The following TTC34 variants were observed in gnomAD, a reference collection of about 807,000 sequenced individuals.
TTC34 encodes tetratricopeptide repeat domain 34.
Under a neutral mutation model 40.7 loss-of-function variants are expected in TTC34, and 44 were observed. The observed-to-expected ratio is 1.08, with a 90% CI of 0.85 to 1.39. TTC34 has a LOEUF of 1.39. TTC34 is among the 40% of genes most tolerant of loss of function. The probability of loss-of-function intolerance (pLI) is 0.00; values close to 1 mark genes in which losing one functional copy is unlikely to be tolerated. For missense variants in TTC34, 884 were observed against 838.0 expected (o/e 1.05, Z -0.68); for synonymous variants, 422 against 398.6 (o/e 1.06, Z -0.70).
intron 4 of TTC34, among the ~76,000 whole-genome samples, chr1:2,787,166 G>A (rs1047713973): frequency 1.3e-5 from 2 of 152,312 alleles, no homozygotes; most frequent in Admixed American, 6.5e-5. Flanking sequence ...GCCTGCAGTC[G>A]GTTCCTGGCC....
chr1:2,641,339 G>A (rs1255577621), exon 9 of TTC34: 1 of 1,463,336 alleles, frequency 6.8e-7, no homozygotes, highest in Non-Finnish European at 9.0e-7. Context: ...GTGGCCCCGT[G>A]ATTAGGGCTG....
intron 2 of TTC34, 28 bp from the exon 3 acceptor site, chr1:2,790,374 C>T (rs1643650256): frequency 2.5e-6 from 1 of 398,516 alleles, no homozygotes; most frequent in Non-Finnish European, 4.4e-6. Flanking sequence ...GGCGTGGGTT[C>T]TGCCTGGGGG....
At chr1:2,694,066 A>C (rs1486209149) in intron 6 of TTC34, among the ~76,000 whole-genome samples, 1 of 144,614 alleles carries the variant, frequency 6.9e-6, no homozygotes, top group Non-Finnish European at 1.5e-5. Flanking sequence ...CAGCACCCAC[A>C]CACCCAGGTG....
At chr1:2,800,053 C>T (rs367795933) in exon 2 of TTC34, 17 of 398,420 alleles carry the variant, frequency 4.3e-5, no homozygotes, top group East Asian at 3.6e-4. Context: ...CCTTGGGGTT[C>T]GCTGCCGGTG....
chr1:2,695,016 T>G (rs949727934), intron 6 of TTC34, among the ~76,000 whole-genome samples: 2,456 of 122,198 alleles, frequency 0.02, no homozygotes, highest in East Asian at 0.024. Context: ...TCTGACAGCC[T>G]GGAACAGCAC....
intron 6 of TTC34, among the ~76,000 whole-genome samples, chr1:2,778,737 T>G (rs1643411859): frequency 1.3e-5 from 2 of 151,062 alleles, no homozygotes; most frequent in Non-Finnish European, 2.9e-5. Flanking sequence ...TTTGTTTTTA[T>G]TGTGGTTAAA....
intron 6 of TTC34, among the ~76,000 whole-genome samples, chr1:2,748,928 G>A (rs1404698785): frequency 3.7e-4 from 1 of 2,698 alleles, no homozygotes; most frequent in South Asian, 0.014. Flanking sequence ...CACCGCCAGG[G>A]GAGTATCTGA....
At chr1:2,692,707 C>CT (rs1640682596) in intron 6 of TTC34, among the ~76,000 whole-genome samples, 1 of 120,792 alleles carries the variant, frequency 8.3e-6, no homozygotes, top group Non-Finnish European at 1.7e-5. Context: ...CACCCACACC[C>CT]CAGGTGAGCA....
exon 2 of TTC34, chr1:2,800,821 ACAT>A: frequency 2.5e-6 from 1 of 398,518 alleles, no homozygotes; most frequent in Admixed American, 4.4e-5. Context: ...TCCTGGGCTG[ACAT>A]CATGTCTGGG....
chr1:2,756,285 C>T (rs1221459644), intron 6 of TTC34, among the ~76,000 whole-genome samples: 7 of 55,384 alleles, frequency 1.3e-4, no homozygotes, highest in African/African-American at 3.6e-4. Flanking sequence ...GAGCATCCGA[C>T]ATCCTGAAAC....
chr1:2,645,586 G>C lies in TTC34; in HGVS notation c.2227-23C>G. ...TTCCTGCAAGGAGGGAGGGCGGGCG[G>C]GTGCAGAGTTGTCCTAAGTAGAGAA... On this transcript the variant is annotated intron_variant, in intron 6 of 8. Transcript: ENST00000401095. This position sits in a 1 kb window ranked among gnomAD's most constrained non-coding sequence, Gnocchi z 4.7. 1 of 354,782 alleles carries C rather than the reference G, an allele frequency of 2.8e-6. No individual in the cohort carries two copies. The highest frequency in any genetic ancestry group is 5.6e-6 in the Non-Finnish European group (1 of 179,620). 22.0% of individuals were successfully genotyped at this position (354,782 alleles called of 1,614,324 possible). A position where few individuals can be genotyped will look rare whatever the true frequency, so the allele number is the denominator to read the frequency against.
At chr1:2,677,725 C>A (rs1037919218) in intron 6 of TTC34, among the ~76,000 whole-genome samples, 44 of 145,486 alleles carry the variant, frequency 3.0e-4, no homozygotes, top group East Asian at 4.2e-4. Context: ...GGAACAGCAC[C>A]CTGCACCCCC....
At position 2,750,305 on chromosome 1, in the gene TTC34, A is replaced by G. The variant is rs1428869143; in HGVS notation, c.2226+33304T>C. The stretch of plus-strand genomic sequence containing the variant: ...AGACCCCCAGGTGAGCATCTGACAG[A>G]CTGGAACTGCACCCCCATGCCCAGG... On this transcript the variant is annotated intron_variant, in intron 6 of 8. Coordinates refer to ENST00000401095, the Ensembl canonical transcript of TTC34. Among the ~76,000 whole-genome samples the G allele has an allele frequency of 8.1e-5, 5 of 61,472 alleles. 2 individuals are homozygous for G. The highest frequency in any genetic ancestry group is 1.2e-3 in the South Asian group (2 of 1,702). The allele number at this position is 61,472 out of a possible 152,430, so 40.3% of individuals were successfully genotyped here. A position where few individuals can be genotyped will look rare whatever the true frequency, so the allele number is the denominator to read the frequency against.
intron 6 of TTC34, among the ~76,000 whole-genome samples, chr1:2,753,050 C>G (rs1641377356): frequency 6.6e-6 from 1 of 151,234 alleles, no homozygotes; most frequent in Non-Finnish European, 1.5e-5. Context: ...GAGCAGCACC[C>G]ACACCCCCAG....
In TTC34 at chr1:2,645,259, A is replaced by G; in HGVS notation, c.2497+34T>C. The stretch of plus-strand genomic sequence containing the variant: ...CAGAGGAGCGGGGACAGAAGCCCAG[A>G]CCCCGTGTTTCCCACCTTGGGGCCG... On this transcript the variant is annotated intron_variant, in intron 7 of 8. Transcript: ENST00000401095. This position sits in a 1 kb window ranked among gnomAD's most constrained non-coding sequence, Gnocchi z 4.7. 6.9e-7 allele frequency: 1 copy of G among 1,439,196 alleles called. No homozygotes were observed. Among genetic ancestry groups the G allele is most frequent in the Non-Finnish European group, 9.1e-7 (1 of 1,098,380 alleles). 89.2% of individuals were successfully genotyped at this position (1,439,196 alleles called of 1,614,324 possible).
At chr1:2,798,736 C>T (rs1245856124) in intron 2 of TTC34, among the ~76,000 whole-genome samples, 2 of 121,034 alleles carry the variant, frequency 1.7e-5, no homozygotes, top group Middle Eastern at 6.1e-3. Flanking sequence ...CCCCTCAGCC[C>T]CCCAGCCTCC....
chr1:2,651,290 G>A (rs1342937495), intron 6 of TTC34, among the ~76,000 whole-genome samples: 5 of 151,994 alleles, frequency 3.3e-5, no homozygotes, highest in South Asian at 2.1e-4. Flanking sequence ...GTGAGGATCT[G>A]ACAACCTGGA....
At chr1:2,694,525 C>T (rs1216693082) in intron 6 of TTC34, among the ~76,000 whole-genome samples, 2 of 82,598 alleles carry the variant, frequency 2.4e-5, no homozygotes, top group African/African-American at 5.6e-5. Flanking sequence ...GGTGAACATC[C>T]GACATCGTGG....
intron 6 of TTC34, among the ~76,000 whole-genome samples, chr1:2,759,419 C>T (rs1192323935): frequency 9.3e-6 from 1 of 107,118 alleles, no homozygotes; most frequent in Non-Finnish European, 1.9e-5. Flanking sequence ...CATGTGACAG[C>T]CTGGATCAGC....
Sources: gnomAD v4.1 joint callset for allele counts (sites outside exome capture counted in the v4.1 genomes callset) on GRCh38, gnomAD v4.1.1 for gene constraint, Gnocchi (gnomAD v3.1) non-coding constraint, MANE v1.5 for transcripts, NCBI Gene and HGNC (gene_info 2026-07-23, HGNC 2026-07-21) for gene names.